COMT: variants seen among roughly 807,000 people sequenced by gnomAD.
COMT encodes catechol-O-methyltransferase.
In COMT, 13 loss-of-function variants were observed where a neutral mutation model predicts 18.9. The ratio of observed to expected loss-of-function variants is 0.69; its 90% confidence interval spans 0.45 to 1.09. COMT has a LOEUF of 1.09. Among genes scored for constraint, COMT ranks in the 50% least tolerant of loss-of-function variants. The probability of loss-of-function intolerance (pLI) is 0.00; values close to 1 mark genes in which losing one functional copy is unlikely to be tolerated. For missense variants in COMT, 329 were observed against 361.8 expected, an observed-to-expected ratio of 0.91 and a Z score of 0.73; for synonymous variants, 150 against 160.9, an observed-to-expected ratio of 0.93 and a Z score of 0.51.
intron 1 of COMT, among the ~76,000 whole-genome samples, chr22:19,953,674 G>A (rs1941997779): frequency 6.6e-6 from 1 of 152,148 alleles, no homozygotes. Context: ...GTCCAGCGGG[G>A]CAGATGGCCA....
In COMT at chr22:19,956,370, CTTTTTTTTT is replaced by C. The variant is rs361698; in HGVS notation, c.-91-4813_-91-4805del. Among the ~76,000 whole-genome samples, 284 of 47,360 alleles carry C rather than the reference CTTTTTTTTT, an allele frequency of 6.0e-3. 1 individual carries two copies. Among genetic ancestry groups the C allele is most frequent in the Non-Finnish European group, 9.1e-3 (234 of 25,604 alleles). The allele number at this position is 47,360 out of a possible 152,430, so 31.1% of individuals were successfully genotyped here. ...GTTGGCCAGGATGGTCTTGAGCTCT[CTTTTTTTTT>C]TTTTTTTTTTTTTTTGAGACGGAGT... On this transcript the variant is annotated intron_variant, in intron 1 of 5. Coordinates refer to ENST00000361682, the MANE Select transcript of COMT (RefSeq NM_000754.4).
In COMT at chr22:19,962,691, G is replaced by A. The variant is rs1601527185; in HGVS notation, c.165G>A (p.Lys55=). ...ACAACCTGCTCATGGGTGACACCAA[G>A]GAGCAGCGCATCCTGAACCACGTGC... The part of the protein sequence containing the change: ...PIHNLLMGDT[K]EQRILNHVLQ... The change falls in exon 3 of 6, where the codon AAG becomes AAA. Residue 55 remains lysine (K), a synonymous_variant. Coordinates refer to ENST00000361682, the MANE Select transcript of COMT (RefSeq NM_000754.4). The A allele has an allele frequency of 8.1e-6, 13 of 1,613,472 alleles. No homozygotes were observed. The highest frequency in any genetic ancestry group is 1.0e-5 in the Non-Finnish European group (12 of 1,179,996).
chr22:19,962,948 TG>T (rs1292378061), intron 3 of COMT, 133 bp downstream of exon 3: 12 of 1,202,748 alleles, frequency 1.0e-5, no homozygotes, highest in African/African-American at 3.1e-5. Flanking sequence ...CAGATAGGGC[TG>T]GGGGGCTCCT....
At chr22:19,942,007 A>T in intron 1 of COMT, 110 bp downstream of exon 1, 13 of 407,540 alleles carry the variant, frequency 3.2e-5, no homozygotes, top group Admixed American at 4.9e-5. Flanking sequence ...ACCGCTGTGA[A>T]GTGATCTGAC....
chr22:19,956,926 G>C (rs988712678), intron 1 of COMT, among the ~76,000 whole-genome samples: 3 of 151,422 alleles, frequency 2.0e-5, no homozygotes, highest in Non-Finnish European at 2.9e-5. Flanking sequence ...GATGTTACTT[G>C]CAGTATATTT....
intron 1 of COMT, chr22:19,950,893 T>A (rs936313577): frequency 5.3e-5 from 8 of 152,110 alleles, no homozygotes; most frequent in African/African-American, 1.7e-4. Flanking sequence ...ATGTGCTGAT[T>A]AAAGTAGCGC....
chr22:19,953,976 G>A (rs1223259411), intron 1 of COMT, among the ~76,000 whole-genome samples: 4 of 152,172 alleles, frequency 2.6e-5, no homozygotes, highest in African/African-American at 9.7e-5. Context: ...GGAGGGGAGG[G>A]GGCCCCGACG....
At chr22:19,966,070 T>C (rs1942373763) in intron 5 of COMT, among the ~76,000 whole-genome samples, 1 of 152,346 alleles carries the variant, frequency 6.6e-6, no homozygotes, top group Non-Finnish European at 1.5e-5. Flanking sequence ...CATTGCAGTT[T>C]AGTAACTAGG....
Position 19,969,233 on chromosome 22 carries a change from T to C in COMT, c.*497T>C. 1 of 157,782 alleles carries C rather than the reference T, an allele frequency of 6.3e-6. No individual in the cohort carries two copies. The allele number at this position is 157,782 out of a possible 1,614,324, so 9.8% of individuals were successfully genotyped here. A position where few individuals can be genotyped will look rare whatever the true frequency, so the allele number is the denominator to read the frequency against. On this transcript the variant is annotated 3_prime_UTR_variant, in exon 6 of 6. Coordinates refer to ENST00000361682, the MANE Select transcript of COMT (RefSeq NM_000754.4). ...CTCCTGCAGCTAGGCCAGGGGCACCTGTTAGCCCCATGGGGACGACTGCCG... is the reference window on the plus strand; with the variant it reads ...CTCCTGCAGCTAGGCCAGGGGCACCCGTTAGCCCCATGGGGACGACTGCCG...
chr22:19,966,743 AC>A (rs1942419241), intron 5 of COMT, among the ~76,000 whole-genome samples: 1 of 151,426 alleles, frequency 6.6e-6, no homozygotes, highest in African/African-American at 2.4e-5. Context: ...TGAGGCTCCA[AC>A]TTTTTGTTGT....
chr22:19,967,226 G>A (rs760630494), intron 5 of COMT: 53 of 1,303,670 alleles, frequency 4.1e-5, no homozygotes, highest in Non-Finnish European at 5.2e-5. Flanking sequence ...ACCAGATTGG[G>A]CTCCTGAGTC....
At chr22:19,945,480 A>T (rs1941821660) in intron 1 of COMT, among the ~76,000 whole-genome samples, 1 of 152,202 alleles carries the variant, frequency 6.6e-6, no homozygotes, top group Non-Finnish European at 1.5e-5. Flanking sequence ...TACAAGGAGA[A>T]CAGATTCTTA....
rs999446749 is a variant in COMT, at chr22:19,968,617, G to A, written c.697G>A (p.Val233Met). Residue 233 changes from valine (V) to methionine (M), a missense_variant, in exon 6 of 6, where the codon GTG (valine) becomes ATG (methionine). Val to Met is a conservative substitution (Grantham distance 21). Coordinates refer to ENST00000361682, the MANE Select transcript of COMT (RefSeq NM_000754.4). Reference protein sequence around the residue: ...CPGAPDFLAHVRGSSCFECTH... With the variant: ...CPGAPDFLAHMRGSSCFECTH... ...AGGTGCGCCAGACTTCCTAGCACAC[G>A]TGCGCGGGAGCAGCTGCTTTGAGTG... The A allele has an allele frequency of 9.9e-6, 16 of 1,613,976 alleles. No individual in the cohort carries two copies. Among genetic ancestry groups the A allele is most frequent in the South Asian group, 2.2e-5 (2 of 91,092 alleles).
chr22:19,964,227 T>C lies in COMT; in HGVS notation c.543T>C (p.Asp181=). 1.2e-6 allele frequency: 2 copies of C among 1,614,122 alleles called. No homozygotes were observed. The highest frequency in any genetic ancestry group is 1.7e-6 in the Non-Finnish European group (2 of 1,180,024). Residue 181 remains aspartate (D), a synonymous_variant, in exon 5 of 6, where the codon GAT becomes GAC. Transcript: ENST00000361682. The part of the protein sequence containing the change: ...DIIPQLKKKY[D]VDTLDMVFLD... ...TCCCCCAGCTGAAGAAGAAGTATGATGTGGACACACTGGACATGGTCTTCC... is the reference window on the plus strand; with the variant it reads ...TCCCCCAGCTGAAGAAGAAGTATGACGTGGACACACTGGACATGGTCTTCC...
chr22:19,946,965 G>T (rs1941848016), intron 1 of COMT, among the ~76,000 whole-genome samples: 1 of 143,632 alleles, frequency 7.0e-6, no homozygotes, highest in Non-Finnish European at 1.5e-5. Context: ...GCTCAGGCTG[G>T]AGTGCAGTGG....
intron 5 of COMT, among the ~76,000 whole-genome samples, chr22:19,966,754 T>G (rs1401745999): frequency 6.7e-6 from 1 of 149,712 alleles, no homozygotes; most frequent in Non-Finnish European, 1.5e-5. Context: ...CTTTTTGTTG[T>G]TGTTTCTCGA....
At chr22:19,956,137 C>CTTTTT (rs71186638) in intron 1 of COMT, among the ~76,000 whole-genome samples, 89 of 84,808 alleles carry the variant, frequency 1.0e-3, no homozygotes, top group African/African-American at 1.3e-3. Flanking sequence ...TTCTTTTTTT[C>CTTTTT]TTTTTTTTTT....
At chr22:19,946,356 C>T (rs1481736916) in intron 1 of COMT, among the ~76,000 whole-genome samples, 1 of 152,054 alleles carries the variant, frequency 6.6e-6, no homozygotes, top group Non-Finnish European at 1.5e-5. Flanking sequence ...GTTGTGGTAG[C>T]AGACGCCTGT....
Position 19,941,798 on chromosome 22 carries a change from C to G in COMT, c.-191C>G. On this transcript the variant is annotated 5_prime_UTR_variant, in exon 1 of 6. Transcript: ENST00000361682. Reference sequence around the variant, plus strand: ...ATCCCCGCAGCGCCACCGCCATTGCCGCCATCGTCGTGGGGCTTCTGGGGC... The same window carrying G: ...ATCCCCGCAGCGCCACCGCCATTGCGGCCATCGTCGTGGGGCTTCTGGGGC... The G allele has an allele frequency of 2.6e-6, 4 of 1,535,126 alleles. No individual in the cohort carries two copies. Among genetic ancestry groups the G allele is most frequent in the Non-Finnish European group, 3.5e-6 (4 of 1,151,936 alleles).
Sources: gnomAD v4.1 joint callset for allele counts (sites outside exome capture counted in the v4.1 genomes callset) on GRCh38, gnomAD v4.1.1 for gene constraint, MANE v1.5 for transcripts, NCBI Gene and HGNC (gene_info 2026-07-23, HGNC 2026-07-21) for gene names.